CPEB3: variants seen among roughly 807,000 people sequenced by gnomAD.
The protein encoded by CPEB3 is cytoplasmic polyadenylation element-binding protein 3.
Under a neutral mutation model 67.2 loss-of-function variants are expected in CPEB3, and 20 were observed. The observed-to-expected ratio is 0.30, with a 90% CI of 0.21 to 0.43. The LOEUF is 0.43. Among genes scored for constraint, CPEB3 ranks in the 20% least tolerant of loss-of-function variants. The probability of loss-of-function intolerance (pLI) is 1.00; values close to 1 mark genes in which losing one functional copy is unlikely to be tolerated. For synonymous variants in CPEB3, 376 were observed against 393.1 expected, an observed-to-expected ratio of 0.96 and a Z score of 0.51; for missense variants, 746 against 968.6, an observed-to-expected ratio of 0.77 and a Z score of 3.05.
intron 9 of CPEB3, among the ~76,000 whole-genome samples, chr10:92,061,271 T>C (rs1301315834): frequency 6.6e-6 from 1 of 151,866 alleles, no homozygotes; most frequent in African/African-American, 2.4e-5. Context: ...ATACAAAAAT[T>C]AGCTGGGTGT....
At chr10:92,129,326 T>C (rs781218234) in intron 6 of CPEB3, among the ~76,000 whole-genome samples, 29 of 151,874 alleles carry the variant, frequency 1.9e-4, no homozygotes, top group East Asian at 3.9e-4. Context: ...ACAGACACAA[T>C]AGACACTGGG....
At chr10:92,284,785 GT>G (rs1842454942) in intron 1 of CPEB3, among the ~76,000 whole-genome samples, 1 of 152,086 alleles carries the variant, frequency 6.6e-6, no homozygotes, top group Admixed American at 6.6e-5. Flanking sequence ...GGTAAAAACT[GT>G]GCTTGTTTTT....
chr10:92,181,367 C>CAAAAAAAAAAAAAAAAAAAAAAAAAAAA (rs55896574), intron 3 of CPEB3, among the ~76,000 whole-genome samples: 2 of 95,404 alleles, frequency 2.1e-5, no homozygotes, highest in Non-Finnish European at 4.1e-5. Context: ...ATTCAAGCAG[C>CAAAAAAAAAAAAAAAAAAAAAAAAAAAA]AAAAAAAAAA....
At chr10:92,100,632 C>T (rs1194948080) in intron 7 of CPEB3, among the ~76,000 whole-genome samples, 2 of 151,896 alleles carry the variant, frequency 1.3e-5, no homozygotes, top group African/African-American at 4.8e-5. Flanking sequence ...CGCTCTGTAG[C>T]CCAGGCTAGA....
At chr10:92,165,937 G>C (rs1388354649) in intron 4 of CPEB3, among the ~76,000 whole-genome samples, 2 of 152,254 alleles carry the variant, frequency 1.3e-5, no homozygotes, top group East Asian at 1.9e-4. Context: ...GAATGGAACT[G>C]ACCTCTTCAA....
intron 2 of CPEB3, among the ~76,000 whole-genome samples, chr10:92,206,249 T>A (rs971735374): frequency 6.6e-6 from 1 of 151,836 alleles, no homozygotes; most frequent in Admixed American, 6.6e-5. Flanking sequence ...TTTTTTGTAT[T>A]TTTAGCAGAA....
Position 92,179,034 on chromosome 10 carries a change from T to C in CPEB3, c.1222+1929A>G, listed in dbSNP as rs143859045. On this transcript the variant is annotated intron_variant, in intron 4 of 9. Transcript: ENST00000265997. ...ACATTCAAAGATTGATGCACTCTGA[T>C]ATCTGTTGCAACTATGTGTAACTCA... Among the ~76,000 whole-genome samples, 33 of 152,284 alleles carry C rather than the reference T, an allele frequency of 2.2e-4. No individual in the cohort carries two copies. The East Asian group carries it at 5.0e-3, about 23-fold the overall frequency.
intron 2 of CPEB3, among the ~76,000 whole-genome samples, chr10:92,230,797 C>T (rs578104012): frequency 6.6e-6 from 1 of 152,282 alleles, no homozygotes; most frequent in East Asian, 1.9e-4. Flanking sequence ...GTTTCTACTG[C>T]AAGTACAGCA....
chr10:92,268,705 C>A (rs1853169406), intron 1 of CPEB3, among the ~76,000 whole-genome samples: 1 of 152,000 alleles, frequency 6.6e-6, no homozygotes, highest in Non-Finnish European at 1.5e-5. Context: ...ATTGAGTGTA[C>A]ATTTAATTTG....
At chr10:92,289,831 TTA>T (rs925762112) in intron 1 of CPEB3, among the ~76,000 whole-genome samples, 7 of 141,486 alleles carry the variant, frequency 4.9e-5, no homozygotes, top group Non-Finnish European at 7.6e-5. Flanking sequence ...TACATATATA[TTA>T]TATATAATAC....
chr10:92,115,113 A>T (rs1221357473), intron 6 of CPEB3, among the ~76,000 whole-genome samples: 1 of 152,104 alleles, frequency 6.6e-6, no homozygotes, highest in African/African-American at 2.4e-5. Flanking sequence ...GGGAGGAGGA[A>T]GTAGAGCCCG....
At chr10:92,117,242 T>C (rs1845080353) in intron 6 of CPEB3, among the ~76,000 whole-genome samples, 1 of 151,294 alleles carries the variant, frequency 6.6e-6, no homozygotes, top group Admixed American at 6.6e-5. Context: ...CAGGCTGGTC[T>C]TGAACTCCTG....
At chr10:92,280,236 C>T (rs778139564) in intron 1 of CPEB3, among the ~76,000 whole-genome samples, 4 of 149,416 alleles carry the variant, frequency 2.7e-5, no homozygotes, top group Non-Finnish European at 5.9e-5. Context: ...ATCCCAGCTA[C>T]TCAGGAGGTA....
chr10:92,075,113 C>T (rs568116737), intron 9 of CPEB3, among the ~76,000 whole-genome samples: 7 of 152,286 alleles, frequency 4.6e-5, no homozygotes, highest in South Asian at 4.1e-4. Flanking sequence ...TTAGTCCTCC[C>T]GTGGCTGGAC....
intron 3 of CPEB3, among the ~76,000 whole-genome samples, chr10:92,191,244 A>T (rs1256894455): frequency 6.6e-6 from 1 of 152,072 alleles, no homozygotes; most frequent in Non-Finnish European, 1.5e-5. Context: ...TCTATTAAAA[A>T]TACAAAAACC....
chr10:92,152,010 T>C (rs1846990575), intron 4 of CPEB3, among the ~76,000 whole-genome samples: 1 of 152,164 alleles, frequency 6.6e-6, no homozygotes, highest in Non-Finnish European at 1.5e-5. Context: ...AATCCAATCA[T>C]TTGACCTTGC....
At chr10:92,081,698 G>GA (rs954718982) in intron 8 of CPEB3, among the ~76,000 whole-genome samples, 197 bp from the exon 9 acceptor site, 5 of 151,780 alleles carry the variant, frequency 3.3e-5, no homozygotes, top group Non-Finnish European at 5.9e-5. Flanking sequence ...AAATAAAATG[G>GA]AAAAAAAATT....
chr10:92,217,182 T>G (rs1590416166), intron 2 of CPEB3, among the ~76,000 whole-genome samples: 2 of 114,422 alleles, frequency 1.7e-5, no homozygotes, highest in South Asian at 5.7e-4. Flanking sequence ...CACTCCAGCC[T>G]GGCGACACAG....
intron 1 of CPEB3, 56 bp from the exon 2 acceptor site, chr10:92,240,417 C>A: frequency 1.4e-6 from 2 of 1,389,620 alleles, no homozygotes; most frequent in Non-Finnish European, 9.4e-7. Context: ...GAATGTCCCT[C>A]GCTGAAGCGG....
Sources: gnomAD v4.1 joint callset for allele counts (sites outside exome capture counted in the v4.1 genomes callset) on GRCh38, gnomAD v4.1.1 for gene constraint, MANE v1.5 for transcripts, NCBI Gene and HGNC (gene_info 2026-07-23, HGNC 2026-07-21) for gene names.